Variants in GANC observed in about 807,000 individuals in gnomAD.
GANC encodes neutral alpha-glucosidase C.
GANC carries 117 observed loss-of-function variants against 124.2 expected under a neutral mutation model. The ratio of observed to expected loss-of-function variants is 0.94; its 90% confidence interval spans 0.81 to 1.10. The LOEUF (loss-of-function observed/expected upper bound fraction) is 1.10. Ranked by LOEUF, GANC falls within the 50% of genes least tolerant of loss-of-function variation. GANC has a pLI of 0.00. For synonymous variants in GANC, 377 were observed against 376.8 expected, an observed-to-expected ratio of 1.00 and a Z score of -0.01; for missense variants, 1,140 against 1,095.0, an observed-to-expected ratio of 1.04 and a Z score of -0.58.
chr15:42,351,597 T>A (rs954241088), intron 23 of GANC, among the ~76,000 whole-genome samples, 165 bp downstream of exon 23: 1 of 152,214 alleles, frequency 6.6e-6, no homozygotes, highest in Non-Finnish European at 1.5e-5. Flanking sequence ...CCATCTTGCT[T>A]CTCTTCATGA....
rs1030860591 is a variant in GANC, at chr15:42,294,012, C to T, written c.512+1095C>T. On this transcript the variant is annotated intron_variant, in intron 5 of 23. Coordinates refer to ENST00000318010, the MANE Select transcript of GANC (RefSeq NM_198141.3). ...ACTGCAGTGAGCTGCGACTGTGGCA[C>T]TGCACTCCAGCCTGGGCAACAGAGC... 2.5e-4 allele frequency among the ~76,000 whole-genome samples: 38 copies of T among 151,484 alleles called. 1 individual carries two copies. The highest frequency in any genetic ancestry group is 9.1e-4 in the African/African-American group (37 of 40,820).
Position 42,352,548 on chromosome 15 carries a change from A to C in GANC, c.*409A>C, listed in dbSNP as rs940852297. The C allele has an allele frequency of 9.1e-5, 93 of 1,026,224 alleles. No homozygotes were observed. Among genetic ancestry groups the C allele is most frequent in the Non-Finnish European group, 2.2e-5 (19 of 853,624 alleles). The allele number at this position is 1,026,224 out of a possible 1,614,324, so 63.6% of individuals were successfully genotyped here. Reference sequence around the variant, plus strand: ...TCTGGCTGCAGCAGCTGAGTTGCTCAAGGCCAGTGTCCAAGTGGACAGCAG... The same window carrying C: ...TCTGGCTGCAGCAGCTGAGTTGCTCCAGGCCAGTGTCCAAGTGGACAGCAG... On this transcript the variant is annotated 3_prime_UTR_variant, in exon 24 of 24. Transcript: ENST00000318010.
At chr15:42,293,816 G>A (rs928226793) in intron 5 of GANC, among the ~76,000 whole-genome samples, 3 of 151,650 alleles carry the variant, frequency 2.0e-5, no homozygotes, top group Non-Finnish European at 4.4e-5. Flanking sequence ...CACTTTTGCC[G>A]AGGTGGCAAA....
rs898004434 is a variant in GANC at position 42,306,548 on chromosome 15, A to T, written c.561A>T (p.Glu187Asp). 3.1e-6 allele frequency: 5 copies of T among 1,610,464 alleles called. No homozygotes were observed. The African/African-American group carries it at 5.4e-5, about 17-fold the overall frequency. Residue 187 changes from glutamate (E) to aspartate (D), a missense_variant and splice_region_variant, in exon 7 of 24, where the codon GAA becomes GAT. By Grantham distance (45) the Glu-to-Asp change is conservative. Coordinates refer to ENST00000318010, the MANE Select transcript of GANC (RefSeq NM_198141.3). ...TGCTCCCTTTTTTGTACCAACAGGA[A>T]AATCAAGAAGATCTGGGCCTGTGGG... ...EEETSVDTSQ[E>D]NQEDLGLWEE...
intron 10 of GANC, among the ~76,000 whole-genome samples, chr15:42,319,425 G>T (rs2412698): frequency 0.91 from 138,270 of 151,998 alleles, 64,252 homozygotes; most frequent in Non-Finnish European, 1. Flanking sequence ...GCTCACTGCA[G>T]CCTCTAGCTC....
intron 10 of GANC, among the ~76,000 whole-genome samples, chr15:42,317,407 AG>A (rs763165383): frequency 3.3e-5 from 5 of 152,180 alleles, no homozygotes; most frequent in Admixed American, 1.3e-4. Context: ...TGTGAGTGTT[AG>A]GGAGTTACTG....
intron 3 of GANC, among the ~76,000 whole-genome samples, chr15:42,280,070 A>T (rs1271447907): frequency 2.0e-5 from 3 of 152,194 alleles, no homozygotes; most frequent in Non-Finnish European, 2.9e-5. Context: ...ATGAGCTAGA[A>T]TCATATCAAC....
intron 22 of GANC, among the ~76,000 whole-genome samples, chr15:42,350,327 T>C (rs1464922910): frequency 1.3e-5 from 2 of 150,276 alleles, no homozygotes. Context: ...ACTCCGCCCA[T>C]CTCCCCGACT....
rs747565957 is a variant in GANC at position 42,345,854 on chromosome 15, A to G, written c.2304+22A>G. 64 of 1,517,740 alleles carry G rather than the reference A, an allele frequency of 4.2e-5. No individual in the cohort carries two copies. The Admixed American group carries it at 4.9e-4, about 12-fold the overall frequency. 94.0% of individuals were successfully genotyped at this position (1,517,740 alleles called of 1,614,324 possible). A position where few individuals can be genotyped will look rare whatever the true frequency, so the allele number is the denominator to read the frequency against. ...CACTGTAAGTTATTTTCAGACTACT[A>G]TTTTTACCTATCATGCTCTATTGGT... is the stretch of plus-strand genomic sequence containing the variant. On this transcript the variant is annotated intron_variant, in intron 20 of 23. Coordinates refer to ENST00000318010, the MANE Select transcript of GANC (RefSeq NM_198141.3).
chr15:42,278,928 G>A (rs898013801), intron 3 of GANC, among the ~76,000 whole-genome samples: 3 of 152,138 alleles, frequency 2.0e-5, no homozygotes, highest in African/African-American at 2.4e-5. Flanking sequence ...CCGGGAGGTC[G>A]AGGCTGCAGT....
At chr15:42,332,505 A>C (rs1173850631) in intron 15 of GANC, among the ~76,000 whole-genome samples, 1 of 152,194 alleles carries the variant, frequency 6.6e-6, no homozygotes, top group Non-Finnish European at 1.5e-5. Context: ...AGGAAACACT[A>C]CTTTGTTAAG....
At chr15:42,274,678 A>T (rs770070529) in intron 1 of GANC, among the ~76,000 whole-genome samples, 168 bp downstream of exon 1, 11 of 152,196 alleles carry the variant, frequency 7.2e-5, no homozygotes, top group Admixed American at 2.6e-4. Context: ...AAATACTTTC[A>T]GGATGGTTAA....
chr15:42,295,244 G>C (rs528800611), intron 5 of GANC, among the ~76,000 whole-genome samples: 2 of 152,106 alleles, frequency 1.3e-5, no homozygotes, highest in Non-Finnish European at 2.9e-5. Flanking sequence ...AAAGTGCTGC[G>C]ATTGCAGGCA....
intron 5 of GANC, among the ~76,000 whole-genome samples, chr15:42,295,196 G>A (rs185912978): frequency 1.3e-5 from 2 of 151,774 alleles, no homozygotes; most frequent in Non-Finnish European, 2.9e-5. Context: ...GGATGATCTC[G>A]ATCTCCTGAA....
intron 6 of GANC, among the ~76,000 whole-genome samples, chr15:42,302,018 C>T (rs901786068): frequency 3.3e-5 from 5 of 152,206 alleles, no homozygotes; most frequent in Non-Finnish European, 7.4e-5. Flanking sequence ...GACAGACTGC[C>T]TCCTCAAGTG....
At position 42,273,477 on chromosome 15, in the gene GANC, G is replaced by C; in HGVS notation, c.-1005G>C. The C allele has an allele frequency of 6.3e-7, 1 of 1,585,608 alleles. No homozygotes were observed. Among genetic ancestry groups the C allele is most frequent in the Non-Finnish European group, 8.6e-7 (1 of 1,167,330 alleles). On this transcript the variant is annotated 5_prime_UTR_variant, in exon 1 of 24. Coordinates refer to ENST00000318010, the MANE Select transcript of GANC (RefSeq NM_198141.3). ...CCGCCTTCTTCCGGCTCTGCTCTAA[G>C]GGCGGGATTATCCGGGTCCTGGAAA... is the stretch of plus-strand genomic sequence containing the variant.
chr15:42,349,759 C>A (rs2052406832), intron 22 of GANC, among the ~76,000 whole-genome samples: 1 of 151,922 alleles, frequency 6.6e-6, no homozygotes. Context: ...GTGATTTCTC[C>A]TGCCTCAGCC....
intron 19 of GANC, chr15:42,344,557 G>C (rs943588292): frequency 3.9e-5 from 6 of 152,226 alleles, no homozygotes; most frequent in Non-Finnish European, 7.3e-5. Flanking sequence ...TGTGACGTGA[G>C]TACATCTTTT....
Position 42,273,595 on chromosome 15 carries a change from C to T in GANC, c.-887C>T. 1 of 899,096 alleles carries T rather than the reference C, an allele frequency of 1.1e-6. No homozygotes were observed. Among genetic ancestry groups the T allele is most frequent in the Non-Finnish European group, 1.6e-6 (1 of 610,520 alleles). The allele number at this position is 899,096 out of a possible 1,614,324, so 55.7% of individuals were successfully genotyped here. On this transcript the variant is annotated 5_prime_UTR_variant, in exon 1 of 24. Coordinates refer to ENST00000318010, the MANE Select transcript of GANC (RefSeq NM_198141.3). ...GACTTTGGACCTACTGCGCAGGCGT[C>T]ATCCTGTTGGAACCTGGTCAGCTGG...
Sources: gnomAD v4.1 joint callset for allele counts (sites outside exome capture counted in the v4.1 genomes callset) on GRCh38, gnomAD v4.1.1 for gene constraint, MANE v1.5 for transcripts, NCBI Gene and HGNC (gene_info 2026-07-23, HGNC 2026-07-21) for gene names.